Variants in NEURL1 observed in about 807,000 individuals in gnomAD.
NEURL1 encodes E3 ubiquitin-protein ligase NEURL1.
Under a neutral mutation model 41.2 loss-of-function variants are expected in NEURL1, and 26 were observed. The ratio of observed to expected loss-of-function variants is 0.63; its 90% CI spans 0.46 to 0.87. The LOEUF (loss-of-function observed/expected upper bound fraction) is 0.87, where lower values mean the gene tolerates loss of function less well. Ranked by LOEUF, NEURL1 falls within the 40% of genes least tolerant of loss-of-function variation. The pLI, the probability that NEURL1 is intolerant of heterozygous loss-of-function variation, is 0.00. For synonymous variants in NEURL1, 400 were observed against 402.3 expected, an observed-to-expected ratio of 0.99 and a Z score of 0.07; for missense variants, 761 against 871.1, an observed-to-expected ratio of 0.87 and a Z score of 1.59.
Position 103,566,122 on chromosome 10 carries a change from C to A in NEURL1, c.86-4750C>A, listed in dbSNP as rs2035418758. 6.6e-6 allele frequency among the ~76,000 whole-genome samples: 1 copy of A among 151,850 alleles called. No individual in the cohort carries two copies. The highest frequency in any genetic ancestry group is 1.5e-5 in the Non-Finnish European group (1 of 67,988). ...TTTTTTTTTTAGAGACAGAATCATG[C>A]TCTGTCACCCAGGCTGAAGTGCAGT... On this transcript the variant is annotated intron_variant, in intron 1 of 5. Coordinates refer to ENST00000369780, the MANE Select transcript of NEURL1 (RefSeq NM_004210.5). This position sits in a 1 kb window ranked among gnomAD's most constrained non-coding sequence, Gnocchi z 4.2.
intron 1 of NEURL1, among the ~76,000 whole-genome samples, chr10:103,498,938 T>C (rs75713837): frequency 2.0e-5 from 3 of 152,378 alleles, no homozygotes; most frequent in East Asian, 3.9e-4. Context: ...CATTCATCAG[T>C]TGGTGGACTT....
chr10:103,589,686 T>C, intron 5 of NEURL1, 26 bp downstream of exon 5: 1 of 1,594,538 alleles, frequency 6.3e-7, no homozygotes, highest in Non-Finnish European at 8.6e-7. Context: ...CCTCTGTTCC[T>C]TGGTGACCAT....
intron 3 of NEURL1, among the ~76,000 whole-genome samples, chr10:103,576,409 C>T (rs2035666382): frequency 6.6e-6 from 1 of 152,000 alleles, no homozygotes; most frequent in Admixed American, 6.6e-5. Context: ...TAGTGGGTGA[C>T]TTGTGGAGGT....
chr10:103,589,071 G>A, intron 4 of NEURL1: 1 of 384,170 alleles, frequency 2.6e-6, no homozygotes, highest in Non-Finnish European at 5.0e-6. Context: ...GAAAAGGTGG[G>A]TGATATCTGG....
intron 1 of NEURL1, among the ~76,000 whole-genome samples, chr10:103,497,828 A>AT (rs1249882695): frequency 1.3e-5 from 2 of 152,144 alleles, no homozygotes; most frequent in Non-Finnish European, 2.9e-5. Context: ...GGCATGGATG[A>AT]GGGAGTGAAT....
At chr10:103,535,210 G>A (rs2034665636) in intron 1 of NEURL1, among the ~76,000 whole-genome samples, 1 of 152,092 alleles carries the variant, frequency 6.6e-6, no homozygotes, top group Non-Finnish European at 1.5e-5. Flanking sequence ...GGCACTGAGG[G>A]GGCAAGAAAC....
rs1484423762 is a variant in NEURL1 at position 103,553,174 on chromosome 10, C to G, written c.86-17698C>G. On this transcript the variant is annotated intron_variant, in intron 1 of 5. Transcript: ENST00000369780. Reference sequence around the variant, plus strand: ...AGCATCTTCTTTTGGCCTCAATTTCCTCATCTGTAAAATGGGCATACACAT... The same window carrying G: ...AGCATCTTCTTTTGGCCTCAATTTCGTCATCTGTAAAATGGGCATACACAT... Among the ~76,000 whole-genome samples, 3 of 152,176 alleles carry G rather than the reference C, an allele frequency of 2.0e-5. No homozygotes were observed. The East Asian group carries it at 5.8e-4, about 29-fold the overall frequency.
Position 103,503,788 on chromosome 10 carries a change from C to CTTTTTT in NEURL1, c.85+9331_85+9336dup, listed in dbSNP as rs56098530. Reference sequence around the variant, plus strand: ...AGAGCTCATGCTGTGCTCCCCCTGGCTTTTTTTTTTTTTTTTTTTTGAGAC... The same window carrying CTTTTTT: ...AGAGCTCATGCTGTGCTCCCCCTGGCTTTTTTTTTTTTTTTTTTTTTTTTTTGAGAC... On this transcript the variant is annotated intron_variant, in intron 1 of 5. Coordinates refer to ENST00000369780, the MANE Select transcript of NEURL1 (RefSeq NM_004210.5). Among the ~76,000 whole-genome samples the CTTTTTT allele has an allele frequency of 1.2e-4, 13 of 110,560 alleles. 5 individuals are homozygous for CTTTTTT. The highest frequency in any genetic ancestry group is 2.1e-4 in the African/African-American group (6 of 28,706). 72.5% of individuals were successfully genotyped at this position (110,560 alleles called of 152,430 possible).
chr10:103,514,578 G>A (rs556211336), intron 1 of NEURL1, among the ~76,000 whole-genome samples: 2 of 152,282 alleles, frequency 1.3e-5, no homozygotes, highest in East Asian at 3.9e-4. Context: ...GTCTGGGGAA[G>A]TCCTCCTGCT....
chr10:103,579,666 G>T (rs2035744313), intron 3 of NEURL1, among the ~76,000 whole-genome samples: 1 of 152,208 alleles, frequency 6.6e-6, no homozygotes, highest in Admixed American at 6.5e-5. Context: ...TTCGGGGCAG[G>T]CATGGTGGCT....
At position 103,571,249 on chromosome 10, in the gene NEURL1, C is replaced by T. The variant is rs527771256; in HGVS notation, c.327+136C>T. The T allele has an allele frequency of 2.5e-4, 240 of 959,526 alleles. 2 individuals carry two copies. In the East Asian group the frequency reaches 5.8e-3, roughly 23 times the overall value. The allele number at this position is 959,526 out of a possible 1,614,324, so 59.4% of individuals were successfully genotyped here. On this transcript the variant is annotated intron_variant, in intron 2 of 5. Transcript: ENST00000369780. ...ACCACACCCTGCCCCTGCCTTTCCT[C>T]TCTGGTGACCCTCTTCCCTCTTCCT...
At chr10:103,540,434 C>T (rs147758611) in intron 1 of NEURL1, among the ~76,000 whole-genome samples, 1,910 of 151,172 alleles carry the variant, frequency 0.013, 16 homozygotes, top group Middle Eastern at 0.031. Context: ...GGACTATAGC[C>T]GTGTGCCACC....
chr10:103,571,216 C>A lies in NEURL1; in HGVS notation c.327+103C>A, dbSNP rs542415497. ...GCCCCTCAGCCGCTGCCTGCTGCCA[C>A]CCCCAGCACCACACCCTGCCCCTGC... On this transcript the variant is annotated intron_variant, in intron 2 of 5. Coordinates refer to ENST00000369780, the MANE Select transcript of NEURL1 (RefSeq NM_004210.5). 11 of 1,178,490 alleles carry A rather than the reference C, an allele frequency of 9.3e-6. No individual in the cohort carries two copies. The African/African-American group carries it at 1.5e-4, about 16-fold the overall frequency. 73.0% of individuals were successfully genotyped at this position (1,178,490 alleles called of 1,614,324 possible).
chr10:103,518,655 G>A (rs1592190692), intron 1 of NEURL1, among the ~76,000 whole-genome samples: 1 of 152,220 alleles, frequency 6.6e-6, no homozygotes, highest in East Asian at 1.9e-4. Context: ...AGACCTGATG[G>A]CATTTGCAGG....
chr10:103,530,758 C>G (rs928717328), intron 1 of NEURL1, among the ~76,000 whole-genome samples: 21 of 151,980 alleles, frequency 1.4e-4, no homozygotes, highest in African/African-American at 4.6e-4. Context: ...CCAGGCTGGT[C>G]TGTAACTCCC....
At chr10:103,571,965 C>A in intron 3 of NEURL1, 143 bp downstream of exon 3, 1 of 816,196 alleles carries the variant, frequency 1.2e-6, no homozygotes, top group Non-Finnish European at 1.9e-6. Context: ...CCCTGGGAAC[C>A]TTGGCATGAA....
At chr10:103,512,152 A>G (rs955281973) in intron 1 of NEURL1, 2 of 152,332 alleles carry the variant, frequency 1.3e-5, no homozygotes, top group African/African-American at 4.8e-5. Flanking sequence ...TGTGCTGCTG[A>G]TCACTTGGGC....
chr10:103,528,313 C>T (rs1202462191), intron 1 of NEURL1, among the ~76,000 whole-genome samples: 1 of 152,114 alleles, frequency 6.6e-6, no homozygotes, highest in Non-Finnish European at 1.5e-5. Context: ...TAAGATTGCA[C>T]CATTGCACTC....
At chr10:103,561,001 C>G (rs1298481150) in intron 1 of NEURL1, among the ~76,000 whole-genome samples, 2 of 152,188 alleles carry the variant, frequency 1.3e-5, no homozygotes, top group Non-Finnish European at 1.5e-5. Flanking sequence ...TAGGTGCCTC[C>G]GGCTTCATGT....
Sources: allele counts gnomAD v4.1 joint callset (sites outside exome capture counted in the v4.1 genomes callset), GRCh38; gene constraint gnomAD v4.1.1; non-coding constraint Gnocchi (gnomAD v3.1); transcripts MANE v1.5; gene names NCBI Gene and HGNC (gene_info 2026-07-23, HGNC 2026-07-21).